Variants in ASTN2 observed in about 807,000 individuals in gnomAD.
The protein encoded by ASTN2 is astrotactin-2.
Under a neutral mutation model 139.8 loss-of-function variants are expected in ASTN2, and 54 were observed. The observed-to-expected ratio is 0.39, with a 90% CI of 0.31 to 0.48. The LOEUF is 0.48. Among genes scored for constraint, ASTN2 ranks in the 20% least tolerant of loss-of-function variants. The probability of loss-of-function intolerance (pLI) is 0.95; values close to 1 mark genes in which losing one functional copy is unlikely to be tolerated. For missense variants in ASTN2, 1,565 were observed against 1,725.1 expected (o/e 0.91, Z 1.64); for synonymous variants, 756 against 719.5 (o/e 1.05, Z -0.81).
chr9:116,614,910 A>G (rs555996957), intron 19 of ASTN2, among the ~76,000 whole-genome samples: 1 of 152,356 alleles, frequency 6.6e-6, no homozygotes, highest in East Asian at 1.9e-4. Flanking sequence ...GCACAACAAA[A>G]GAAACTACCA....
chr9:116,936,541 T>C (rs1052207381), intron 10 of ASTN2, among the ~76,000 whole-genome samples: 44 of 152,182 alleles, frequency 2.9e-4, no homozygotes, highest in African/African-American at 1.0e-3. Flanking sequence ...GGTCCTCTGG[T>C]CACCAAACCC....
chr9:116,901,559 T>G (rs76427818), intron 10 of ASTN2, among the ~76,000 whole-genome samples: 3,904 of 152,238 alleles, frequency 0.026, 144 homozygotes, highest in African/African-American at 0.083. Flanking sequence ...CTGTTTGTGG[T>G]CATGCTGGTA....
chr9:116,552,572 C>T (rs1407243), intron 19 of ASTN2, among the ~76,000 whole-genome samples: 61,269 of 151,978 alleles, frequency 0.4, 12,477 homozygotes, highest in South Asian at 0.56. Context: ...AGTCCACACA[C>T]ATTATTTTGA....
At chr9:117,110,092 T>G (rs1245322572) in intron 4 of ASTN2, among the ~76,000 whole-genome samples, 4 of 152,204 alleles carry the variant, frequency 2.6e-5, no homozygotes. Flanking sequence ...TGTTCATAAA[T>G]TTTTGGTTAT....
intron 2 of ASTN2, among the ~76,000 whole-genome samples, chr9:117,227,523 A>G (rs1282274260): frequency 6.6e-6 from 1 of 152,184 alleles, no homozygotes; most frequent in Non-Finnish European, 1.5e-5. Flanking sequence ...TGAATACATG[A>G]GTAAATAGAT....
intron 19 of ASTN2, among the ~76,000 whole-genome samples, chr9:116,544,765 C>T (rs1190625553): frequency 2.0e-5 from 3 of 152,142 alleles, no homozygotes; most frequent in Non-Finnish European, 4.4e-5. Flanking sequence ...AACACAACAG[C>T]AGTTTTTCAG....
At chr9:117,407,250 C>G (rs1227993619) in intron 1 of ASTN2, among the ~76,000 whole-genome samples, 2 of 152,138 alleles carry the variant, frequency 1.3e-5, no homozygotes, top group African/African-American at 4.8e-5. Context: ...TGTACTACTA[C>G]AATAGGGAGA....
At chr9:116,656,865 C>T (rs939290680) in intron 16 of ASTN2, among the ~76,000 whole-genome samples, 4 of 152,104 alleles carry the variant, frequency 2.6e-5, no homozygotes, top group Non-Finnish European at 4.4e-5. Flanking sequence ...TATTCGGCAA[C>T]GGTGCAGGGT....
chr9:117,100,603 G>A (rs566874068), intron 4 of ASTN2, among the ~76,000 whole-genome samples: 4 of 152,286 alleles, frequency 2.6e-5, no homozygotes, highest in East Asian at 1.9e-4. Flanking sequence ...CACATTTCAG[G>A]TGCTCACCAT....
At chr9:117,057,224 A>G (rs189401462) in intron 5 of ASTN2, among the ~76,000 whole-genome samples, 1 of 152,188 alleles carries the variant, frequency 6.6e-6, no homozygotes, top group African/African-American at 2.4e-5. Context: ...GCCAGCAATG[A>G]TACATCTAAG....
chr9:117,270,604 T>C (rs761846770), intron 2 of ASTN2, among the ~76,000 whole-genome samples: 6 of 152,196 alleles, frequency 3.9e-5, no homozygotes, highest in Admixed American at 1.3e-4. Context: ...GTACCTGGCA[T>C]AAGGATGTTT....
intron 5 of ASTN2, among the ~76,000 whole-genome samples, chr9:117,095,390 TC>T (rs1472949464): frequency 1.3e-5 from 2 of 152,234 alleles, no homozygotes; most frequent in African/African-American, 4.8e-5. Flanking sequence ...GAGTCCTGCT[TC>T]AGCATTTGGC....
intron 13 of ASTN2, among the ~76,000 whole-genome samples, chr9:116,760,063 G>A (rs1289220668): frequency 6.6e-6 from 1 of 152,148 alleles, no homozygotes; most frequent in East Asian, 1.9e-4. Context: ...CTAACAGGAC[G>A]GGTTTAGGAG....
intron 1 of ASTN2, among the ~76,000 whole-genome samples, chr9:117,304,781 C>A (rs1834959280): frequency 6.6e-6 from 1 of 152,160 alleles, no homozygotes; most frequent in African/African-American, 2.4e-5. Context: ...GATTACAGGA[C>A]CCTTTTGACT....
At position 117,114,880 on chromosome 9, in the gene ASTN2, G is replaced by C. The variant is rs149422340; in HGVS notation, c.1169-18729C>G. Among the ~76,000 whole-genome samples, 34 of 152,254 alleles carry C rather than the reference G, an allele frequency of 2.2e-4. 1 individual carries two copies. Among genetic ancestry groups the C allele is most frequent in the African/African-American group, 7.2e-4 (30 of 41,550 alleles). ...GGAGAGCCCACATGTAGGCACACCA[G>C]TCAACATCCCCATTGGAGCTCTTAG... On this transcript the variant is annotated intron_variant, in intron 4 of 22. Transcript: ENST00000313400.
intron 11 of ASTN2, among the ~76,000 whole-genome samples, chr9:116,829,504 G>T (rs1304968311): frequency 1.3e-5 from 2 of 152,078 alleles, no homozygotes; most frequent in Non-Finnish European, 2.9e-5. Context: ...TTGGCTTATG[G>T]TTTCAGAGGC....
At chr9:117,378,022 T>C (rs973393965) in intron 1 of ASTN2, among the ~76,000 whole-genome samples, 4 of 152,222 alleles carry the variant, frequency 2.6e-5, no homozygotes, top group African/African-American at 9.6e-5. Context: ...AATGGAACTA[T>C]CACTTTCTAC....
At chr9:116,620,670 A>G (rs1197274729) in intron 17 of ASTN2, among the ~76,000 whole-genome samples, 1 of 152,116 alleles carries the variant, frequency 6.6e-6, no homozygotes, top group South Asian at 2.1e-4. Flanking sequence ...AATAGTAACT[A>G]TATCCATTGA....
intron 19 of ASTN2, among the ~76,000 whole-genome samples, chr9:116,533,861 T>G (rs1851482779): frequency 6.6e-6 from 1 of 152,226 alleles, no homozygotes; most frequent in Non-Finnish European, 1.5e-5. Context: ...GGTATCAGGA[T>G]GATGCTGGCC....
Sources: gnomAD v4.1 joint callset for allele counts (sites outside exome capture counted in the v4.1 genomes callset) on GRCh38, gnomAD v4.1.1 for gene constraint, MANE v1.5 for transcripts, NCBI Gene and HGNC (gene_info 2026-07-23, HGNC 2026-07-21) for gene names.